The following ANGEL1 variants were observed in gnomAD, a reference collection of about 807,000 sequenced individuals.
ANGEL1 encodes angel homolog 1.
In ANGEL1, 62 loss-of-function variants were observed where a neutral mutation model predicts 76.4. That is an observed-to-expected ratio of 0.81 (90% CI 0.66 to 1.00). ANGEL1 has a LOEUF of 1.00. Among genes scored for constraint, ANGEL1 ranks in the 50% least tolerant of loss-of-function variants. ANGEL1 has a pLI of 0.00. For missense variants in ANGEL1, 737 were observed against 836.7 expected (o/e 0.88, Z 1.47); for synonymous variants, 340 against 331.7 (o/e 1.03, Z -0.27).
At chr14:76,790,031 T>C (rs940615586) in intron 9 of ANGEL1, among the ~76,000 whole-genome samples, 10 of 152,104 alleles carry the variant, frequency 6.6e-5, no homozygotes, top group African/African-American at 2.4e-4. Flanking sequence ...ACCCGGCTAA[T>C]TTTTTGTATT....
At chr14:76,797,331 G>A (rs1894610553) in intron 7 of ANGEL1, among the ~76,000 whole-genome samples, 1 of 152,172 alleles carries the variant, frequency 6.6e-6, no homozygotes, top group Non-Finnish European at 1.5e-5. Flanking sequence ...CAGACACAGT[G>A]GCTCACACCT....
chr14:76,806,814 T>C lies in ANGEL1; in HGVS notation c.982A>G (p.Lys328Glu). 1 of 1,614,104 alleles carries C rather than the reference T, an allele frequency of 6.2e-7. No homozygotes were observed. Among genetic ancestry groups the C allele is most frequent in the Non-Finnish European group, 8.5e-7 (1 of 1,180,030 alleles). ...TCFYKRRTGCKTDGCAVCYKP... is the reference protein window; with the variant it reads ...TCFYKRRTGCETDGCAVCYKP... ...TAGCAGACAGCACAGCCATCGGTTT[T>C]ACACCCAGTCCTCCTCTTGTAGAAA... Residue 328 changes from lysine to glutamate, a missense_variant, in exon 5 of 10, where the codon AAA becomes GAA. This residue lies in a region of ANGEL1 where 441 missense variants were observed against 449.5 expected (regional missense o/e 0.98). Coordinates refer to ENST00000251089, the MANE Select transcript of ANGEL1 (RefSeq NM_015305.4).
At position 76,812,757 on chromosome 14, in the gene ANGEL1, C is replaced by A. The variant is rs1254849654; in HGVS notation, c.64+7G>T. On this transcript the variant is annotated splice_region_variant and intron_variant, in intron 1 of 9. Coordinates refer to ENST00000251089, the MANE Select transcript of ANGEL1 (RefSeq NM_015305.4). ...GGCTCCTGTCTGTCGGTACGCCTGG[C>A]CGGTACCTGAGAGGGCGCGGAAGAG... 2 of 1,517,226 alleles carry A rather than the reference C, an allele frequency of 1.3e-6. No homozygotes were observed. 94.0% of individuals were successfully genotyped at this position (1,517,226 alleles called of 1,614,324 possible). A position where few individuals can be genotyped will look rare whatever the true frequency, so the allele number is the denominator to read the frequency against.
rs202058443 is a variant in ANGEL1 at position 76,792,738 on chromosome 14, C to T, written c.1619-1372G>A. Among the ~76,000 whole-genome samples the T allele has an allele frequency of 4.6e-5, 7 of 152,124 alleles. No individual in the cohort carries two copies. In the South Asian group the frequency reaches 1.4e-3, roughly 31 times the overall value. On this transcript the variant is annotated intron_variant, in intron 7 of 9. Transcript: ENST00000251089. ...TCAAAAAACTAGGAATAGAAGAAAA[C>T]TTTCTCAATCTGATAAAGAGAATCT... is the stretch of plus-strand genomic sequence containing the variant.
chr14:76,795,627 T>C (rs1052340314), intron 7 of ANGEL1, among the ~76,000 whole-genome samples: 3 of 152,244 alleles, frequency 2.0e-5, no homozygotes, highest in African/African-American at 7.2e-5. Flanking sequence ...CTGAGCCTGG[T>C]GTTTCTGAGG....
At chr14:76,797,469 A>G (rs1595298549) in intron 7 of ANGEL1, among the ~76,000 whole-genome samples, 1 of 152,152 alleles carries the variant, frequency 6.6e-6, no homozygotes, top group South Asian at 2.1e-4. Flanking sequence ...GTGTGGTGGC[A>G]TGCACCTGTA....
In ANGEL1 at chr14:76,809,384, CCTG is replaced by C; in HGVS notation, c.321_323del (p.Asp107_Arg108delinsGlu). On this transcript the variant is annotated inframe_deletion, in exon 2 of 10. Transcript: ENST00000251089. ...GGTCACTCAGCTGCCTGCTGGACCA[CCTG>C]TCCTCTGAAGCAGCATTCTCTTCTC... 1 of 1,614,266 alleles carries C rather than the reference CCTG, an allele frequency of 6.2e-7. No individual in the cohort carries two copies. Among genetic ancestry groups the C allele is most frequent in the South Asian group, 1.1e-5 (1 of 91,092 alleles).
At position 76,791,350 on chromosome 14, in the gene ANGEL1, C is replaced by T; in HGVS notation, c.1635G>A (p.Trp545Ter). Residue 545 changes from tryptophan to a stop codon, truncating the protein, a stop_gained, in exon 8 of 10, where the codon TGG becomes TGA. Transcript: ENST00000251089. LOFTEE classifies it high-confidence loss of function. ...CATCTTCCTCAAGGACAGACTCAGC[C>T]CAACCCGCAGGTCGCTCTGCAGAGG... ...TDTKPERPAG[W>*]AESVLEEDAS... The T allele has an allele frequency of 6.2e-7, 1 of 1,613,988 alleles. No homozygotes were observed. Among genetic ancestry groups the T allele is most frequent in the Non-Finnish European group, 8.5e-7 (1 of 1,179,942 alleles).
At chr14:76,792,296 A>G (rs1204494983) in intron 7 of ANGEL1, among the ~76,000 whole-genome samples, 1 of 152,204 alleles carries the variant, frequency 6.6e-6, no homozygotes, top group Non-Finnish European at 1.5e-5. Context: ...ACCAGGCTCA[A>G]TGGCTTCACT....
chr14:76,804,286 G>C, intron 5 of ANGEL1: 23 of 1,235,338 alleles, frequency 1.9e-5, no homozygotes, highest in Non-Finnish European at 2.2e-5. Context: ...CCTCATCTTT[G>C]GATCTTCTGG....
At position 76,812,836 on chromosome 14, in the gene ANGEL1, G is replaced by A. The variant is rs1350530727; in HGVS notation, c.-9C>T. 20 of 1,506,410 alleles carry A rather than the reference G, an allele frequency of 1.3e-5. No homozygotes were observed. The highest frequency in any genetic ancestry group is 1.4e-5 in the African/African-American group (1 of 69,740). The allele number at this position is 1,506,410 out of a possible 1,614,324, so 93.3% of individuals were successfully genotyped here. On this transcript the variant is annotated 5_prime_UTR_variant, in exon 1 of 10. Coordinates refer to ENST00000251089, the MANE Select transcript of ANGEL1 (RefSeq NM_015305.4). ...AAGCACGACGCGATCATGGCCGGCCGCCCGCGCCCGCCTCCGCTCCTCACT... is the reference window on the plus strand; with the variant it reads ...AAGCACGACGCGATCATGGCCGGCCACCCGCGCCCGCCTCCGCTCCTCACT...
chr14:76,794,781 A>G (rs1193401444), intron 7 of ANGEL1, among the ~76,000 whole-genome samples: 2 of 148,610 alleles, frequency 1.3e-5, no homozygotes, highest in African/African-American at 5.0e-5. Flanking sequence ...TATTTTTTTC[A>G]TTATATCTTT....
chr14:76,786,528 A>G lies in ANGEL1; in HGVS notation c.*2700T>C, dbSNP rs1264414784. 5.3e-5 allele frequency: 8 copies of G among 152,204 alleles called. No homozygotes were observed. Among genetic ancestry groups the G allele is most frequent in the African/African-American group, 1.7e-4 (7 of 41,428 alleles). 9.4% of individuals were successfully genotyped at this position (152,204 alleles called of 1,614,324 possible). A position where few individuals can be genotyped will look rare whatever the true frequency, so the allele number is the denominator to read the frequency against. On this transcript the variant is annotated 3_prime_UTR_variant, in exon 10 of 10. Coordinates refer to ENST00000251089, the MANE Select transcript of ANGEL1 (RefSeq NM_015305.4). ...CCCAGGTAGTGCAATGGAAGCAACC[A>G]AGTGGCTTTAAATCAATCAGATTCT...
At chr14:76,793,405 GATA>G (rs1566695801) in intron 7 of ANGEL1, among the ~76,000 whole-genome samples, 13 of 54,832 alleles carry the variant, frequency 2.4e-4, no homozygotes, top group Middle Eastern at 7.7e-3. Flanking sequence ...GGGGAGAGGG[GATA>G]AAAGGAAAGA....
rs752301148 is a variant in ANGEL1 at position 76,807,937 on chromosome 14, C to T, written c.861G>A (p.Gln287=). ...YRFVNLMQEF[Q]HWDPDILCLQ... is the part of the protein sequence containing the mutation. Reference sequence around the variant, plus strand: ...CTTCACTCACATCAGGGTCCCAGTGCTGGAATTCCTGCATGAGGTTCACGA... The same window carrying T: ...CTTCACTCACATCAGGGTCCCAGTGTTGGAATTCCTGCATGAGGTTCACGA... The change falls in exon 3 of 10, where the codon CAG becomes CAA. Residue 287 remains glutamine, a synonymous_variant. Transcript: ENST00000251089. 3.1e-6 allele frequency: 5 copies of T among 1,613,816 alleles called. No homozygotes were observed. In the African/African-American group the frequency reaches 5.3e-5, roughly 17 times the overall value.
rs1446489321 is a variant in ANGEL1 at position 76,803,875 on chromosome 14, T to G, written c.1418A>C (p.Gln473Pro). Residue 473 changes from glutamine to proline, a missense_variant, in exon 6 of 10, where the codon CAG (glutamine) becomes CCG (proline). By Grantham distance (76) the Gln-to-Pro change is moderately conservative. This residue lies in a region of ANGEL1 where 296 missense variants were observed against 387.2 expected (regional missense o/e 0.76). Coordinates refer to ENST00000251089, the MANE Select transcript of ANGEL1 (RefSeq NM_015305.4). ...CCACAGTGGGGCCTGCAGCTTCCTC[T>G]GGTAAAGCTGATGGGAGAAGTCTTC... is the stretch of plus-strand genomic sequence containing the variant. ...GQEDFSHQLY[Q>P]RKLQAPLWPS... The G allele has an allele frequency of 6.2e-7, 1 of 1,614,036 alleles. No homozygotes were observed. The highest frequency in any genetic ancestry group is 8.5e-7 in the Non-Finnish European group (1 of 1,180,040).
In ANGEL1 at chr14:76,803,444, G is replaced by A; in HGVS notation, c.1545C>T (p.Phe515=). 6.2e-7 allele frequency: 1 copy of A among 1,614,214 alleles called. No individual in the cohort carries two copies. The highest frequency in any genetic ancestry group is 8.5e-7 in the Non-Finnish European group (1 of 1,180,028). ...RKYGRDFLLR[F]RFCSIACQRP... is the part of the protein sequence containing the mutation. ...GCTGACAAGCGATGCTGCAGAAGCG[G>A]AAACGTAGCAGGAAGTCTCGGCCAT... is the stretch of plus-strand genomic sequence containing the variant. The change falls in exon 7 of 10, where the codon TTC becomes TTT. Residue 515 remains phenylalanine (F), a synonymous_variant. Transcript: ENST00000251089.
chr14:76,812,703 C>T (rs774570313), intron 1 of ANGEL1, 61 bp downstream of exon 1: 51 of 1,452,000 alleles, frequency 3.5e-5, no homozygotes, highest in Non-Finnish European at 4.6e-5. Flanking sequence ...CCCAGGCCCG[C>T]GGAGCCCCGC....
At chr14:76,793,062 T>C (rs1894453075) in intron 7 of ANGEL1, among the ~76,000 whole-genome samples, 1 of 151,842 alleles carries the variant, frequency 6.6e-6, no homozygotes, top group Non-Finnish European at 1.5e-5. Context: ...ACACGATCAA[T>C]ACACAAAAAT....
Sources: allele counts gnomAD v4.1 joint callset (sites outside exome capture counted in the v4.1 genomes callset), GRCh38; gene constraint gnomAD v4.1.1; regional missense constraint gnomAD v4.1.1; transcripts MANE v1.5; gene names NCBI Gene and HGNC (gene_info 2026-07-23, HGNC 2026-07-21).